Variants in C9orf153 observed in about 807,000 individuals in gnomAD.
C9orf153 encodes the protein chromosome 9 open reading frame 153.
Under a neutral mutation model 9.0 loss-of-function variants are expected in C9orf153, and 10 were observed. The ratio of observed to expected loss-of-function variants is 1.11; its 90% CI spans 0.69 to 1.89. The LOEUF (loss-of-function observed/expected upper bound fraction) is 1.89, where lower values mean the gene tolerates loss of function less well. Ranked by LOEUF, C9orf153 falls within the 40% of genes most tolerant of loss-of-function variation. C9orf153 has a pLI of 0.00. For missense variants in C9orf153, 108 were observed against 111.0 expected, an observed-to-expected ratio of 0.97 and a Z score of 0.12; for synonymous variants, 35 against 37.3, an observed-to-expected ratio of 0.94 and a Z score of 0.23.
At position 86,229,542 on chromosome 9, in the gene C9orf153, C is replaced by T; in HGVS notation, c.62G>A (p.Cys21Tyr). 1 of 1,605,698 alleles carries T rather than the reference C, an allele frequency of 6.2e-7. No homozygotes were observed. The highest frequency in any genetic ancestry group is 2.2e-5 in the East Asian group (1 of 44,834). Residue 21 changes from cysteine (C) to tyrosine (Y), a missense_variant, in exon 2 of 4, where the codon TGT (cysteine) becomes TAT (tyrosine). Cys to Tyr is a radical substitution (Grantham distance 194, BLOSUM62 -2). Transcript: ENST00000339137. Reference protein sequence around the residue: ...EDNREATLPQCSLPELYACIE... With the variant: ...EDNREATLPQYSLPELYACIE... ...TGTACAATGTTAAGTACATACTGAA[C>T]ATTGAGGAAGGGTGGCTTCTCTATT...
At chr9:86,225,371 T>TTTCC (rs1285115492) in intron 3 of C9orf153, among the ~76,000 whole-genome samples, 2 of 151,466 alleles carry the variant, frequency 1.3e-5, no homozygotes, top group Non-Finnish European at 2.9e-5. Flanking sequence ...TCCTTCTTTC[T>TTTCC]TTCCTTCTTT....
At chr9:86,227,421 G>A (rs921384936) in intron 3 of C9orf153, 34 of 1,465,870 alleles carry the variant, frequency 2.3e-5, no homozygotes, top group Non-Finnish European at 2.9e-5. Context: ...CATATTAATA[G>A]CAGCCATGAA....
intron 2 of C9orf153, among the ~76,000 whole-genome samples, chr9:86,229,192 G>A (rs191507207): frequency 1.2e-3 from 184 of 149,702 alleles, no homozygotes; most frequent in African/African-American, 4.3e-3. Flanking sequence ...TGTTTGGACC[G>A]ATATCATGAA....
chr9:86,232,996 G>A (rs1824504681), intron 1 of C9orf153, among the ~76,000 whole-genome samples: 1 of 152,080 alleles, frequency 6.6e-6, no homozygotes, highest in African/African-American at 2.4e-5. Context: ...GCCTCCCAAA[G>A]TGCTGGGATT....
chr9:86,246,291 C>T (rs534145815), intron 1 of C9orf153, among the ~76,000 whole-genome samples: 1 of 152,304 alleles, frequency 6.6e-6, no homozygotes, highest in African/African-American at 2.4e-5. Context: ...TTAAAGGACA[C>T]TCAATCGCAT....
At chr9:86,233,612 C>T (rs1308964786) in intron 1 of C9orf153, among the ~76,000 whole-genome samples, 1 of 151,732 alleles carries the variant, frequency 6.6e-6, no homozygotes, top group South Asian at 2.1e-4. Context: ...AGTCGGGATT[C>T]TGCCATGTTG....
intron 1 of C9orf153, among the ~76,000 whole-genome samples, chr9:86,231,024 A>G (rs1824458222): frequency 6.6e-6 from 1 of 152,186 alleles, no homozygotes; most frequent in Admixed American, 6.5e-5. Flanking sequence ...TGGGAGCCTG[A>G]GCCACCATGT....
intron 1 of C9orf153, among the ~76,000 whole-genome samples, chr9:86,240,655 T>C (rs1161051046): frequency 6.6e-6 from 1 of 151,142 alleles, no homozygotes; most frequent in Admixed American, 6.6e-5. Flanking sequence ...TGGGATTACA[T>C]GCGTGAGCCA....
chr9:86,227,989 C>T lies in C9orf153; in HGVS notation c.108G>A (p.Glu36=). ...LYACIENFNK[E]SKKSNLLKMH... is the part of the protein sequence containing the mutation. ...TTTTTAGAAGATTTGATTTCTTGCT[C>T]TCCTTATTAAAATTCTCAATACATG... Residue 36 remains glutamate, a synonymous_variant, in exon 3 of 4, where the codon GAG becomes GAA. Transcript: ENST00000339137. 1 of 1,612,632 alleles carries T rather than the reference C, an allele frequency of 6.2e-7. No individual in the cohort carries two copies. The highest frequency in any genetic ancestry group is 8.5e-7 in the Non-Finnish European group (1 of 1,179,348).
chr9:86,224,345 C>T (rs1280382332), intron 3 of C9orf153, among the ~76,000 whole-genome samples: 3 of 151,914 alleles, frequency 2.0e-5, no homozygotes, highest in Non-Finnish European at 4.4e-5. Context: ...TGAGATTGTG[C>T]CACTGCACTC....
chr9:86,234,835 A>G (rs1824544580), intron 1 of C9orf153, among the ~76,000 whole-genome samples: 1 of 152,248 alleles, frequency 6.6e-6, no homozygotes, highest in South Asian at 2.1e-4. Flanking sequence ...AGATGTACAA[A>G]GAACACTTAG....
chr9:86,222,904 C>T (rs1824238048), intron 3 of C9orf153, among the ~76,000 whole-genome samples: 1 of 152,206 alleles, frequency 6.6e-6, no homozygotes, highest in Non-Finnish European at 1.5e-5. Context: ...CACCACTCCA[C>T]TCCAATCAGT....
At chr9:86,229,697 G>T in intron 1 of C9orf153, 68 bp from the exon 2 acceptor site, 1 of 867,590 alleles carries the variant, frequency 1.2e-6, no homozygotes. Context: ...CAAAGGGGGA[G>T]GTGAGACTTC....
intron 1 of C9orf153, chr9:86,258,726 G>A (rs946426899): frequency 1.3e-5 from 2 of 152,094 alleles, no homozygotes; most frequent in Non-Finnish European, 2.9e-5. Flanking sequence ...CTAATTTAAC[G>A]AAACTTTTTT....
chr9:86,236,262 G>A (rs1024758179), intron 1 of C9orf153, among the ~76,000 whole-genome samples: 4 of 151,528 alleles, frequency 2.6e-5, no homozygotes, highest in Non-Finnish European at 5.9e-5. Context: ...AAGCAAAAGA[G>A]AGAGAGGGCC....
chr9:86,230,957 TAGTGTG>T (rs1824456685), intron 1 of C9orf153, among the ~76,000 whole-genome samples: 1 of 152,142 alleles, frequency 6.6e-6, no homozygotes, highest in Admixed American at 6.5e-5. Flanking sequence ...GTCAGTGACA[TAGTGTG>T]AGTGCCAGAA....
intron 1 of C9orf153, 104 bp from the exon 2 acceptor site, chr9:86,229,733 G>A: frequency 1.5e-6 from 1 of 646,746 alleles, no homozygotes; most frequent in Admixed American, 2.8e-5. Context: ...TTTGTGAGTG[G>A]GACATTTTGA....
In C9orf153 at chr9:86,221,052, T is replaced by A. The variant is rs1824189607; in HGVS notation, c.*636A>T. 6.6e-6 allele frequency: 1 copy of A among 152,214 alleles called. No homozygotes were observed. The highest frequency in any genetic ancestry group is 2.4e-5 in the African/African-American group (1 of 41,478). 9.4% of individuals were successfully genotyped at this position (152,214 alleles called of 1,614,324 possible). On this transcript the variant is annotated 3_prime_UTR_variant, in exon 4 of 4. Transcript: ENST00000339137. ...CTTTTACAAATCTTTCTGTTCTTATTTCATGGATGCTGTTTCCTTCTTTGT... is the reference window on the plus strand; with the variant it reads ...CTTTTACAAATCTTTCTGTTCTTATATCATGGATGCTGTTTCCTTCTTTGT...
At chr9:86,257,075 C>A (rs928191546) in intron 1 of C9orf153, among the ~76,000 whole-genome samples, 2 of 152,178 alleles carry the variant, frequency 1.3e-5, no homozygotes, top group African/African-American at 4.8e-5. Context: ...TTTAGAACTA[C>A]CTCTTCTTTT....
Sources: gnomAD v4.1 joint callset for allele counts (sites outside exome capture counted in the v4.1 genomes callset) on GRCh38, gnomAD v4.1.1 for gene constraint, MANE v1.5 for transcripts, NCBI Gene and HGNC (gene_info 2026-07-23, HGNC 2026-07-21) for gene names.